Variants in DNAH1 observed in about 807,000 individuals in gnomAD.
DNAH1 encodes axonemal beta dynein heavy chain 1.
DNAH1 carries 327 observed loss-of-function variants against 484.3 expected under a neutral mutation model. The observed-to-expected ratio is 0.68, with a 90% CI of 0.62 to 0.74. DNAH1 has a LOEUF of 0.74. Among genes scored for constraint, DNAH1 ranks in the 30% least tolerant of loss-of-function variants. The pLI, the probability that DNAH1 is intolerant of heterozygous loss-of-function variation, is 0.00. For missense variants in DNAH1, 5,052 were observed against 5,546.8 expected (o/e 0.91, Z 2.83); for synonymous variants, 2,192 against 2,191.9 (o/e 1.00, Z 0.00).
At chr3:52,346,093 CTCTG>C (rs765046766) in intron 10 of DNAH1, among the ~76,000 whole-genome samples, 7 of 152,180 alleles carry the variant, frequency 4.6e-5, no homozygotes, top group Non-Finnish European at 8.8e-5. Flanking sequence ...TCAACTCTGT[CTCTG>C]TCTGTCTCTC....
At chr3:52,396,104 T>G (rs1352183417) in intron 70 of DNAH1, among the ~76,000 whole-genome samples, 2 of 152,028 alleles carry the variant, frequency 1.3e-5, no homozygotes, top group Non-Finnish European at 2.9e-5. Context: ...CAGCTAATTT[T>G]TTGTATTTTT....
At chr3:52,386,400 C>T in intron 55 of DNAH1, 55 bp downstream of exon 55, 1 of 1,495,960 alleles carries the variant, frequency 6.7e-7, no homozygotes, top group African/African-American at 1.4e-5. Flanking sequence ...GTCCTCAAGC[C>T]TTCCCTCTGC....
At chr3:52,338,352 A>G (rs1277512094) in intron 8 of DNAH1, among the ~76,000 whole-genome samples, 1 of 152,072 alleles carries the variant, frequency 6.6e-6, no homozygotes. Flanking sequence ...CAAATGATTC[A>G]CCCACCTCGG....
intron 8 of DNAH1, among the ~76,000 whole-genome samples, chr3:52,338,442 A>T (rs1188479275): frequency 6.6e-6 from 1 of 152,194 alleles, no homozygotes; most frequent in Non-Finnish European, 1.5e-5. Context: ...AAATATTATT[A>T]CTATTCCTCC....
At chr3:52,400,277 G>C in intron 77 of DNAH1, 48 bp from the exon 78 acceptor site, 1 of 1,610,092 alleles carries the variant, frequency 6.2e-7, no homozygotes. Context: ...ATCCCTGCTA[G>C]TAGTAATAGG....
At chr3:52,386,391 TC>T in intron 55 of DNAH1, 46 bp downstream of exon 55, 1 of 1,508,730 alleles carries the variant, frequency 6.6e-7, no homozygotes, top group South Asian at 1.3e-5. Flanking sequence ...TATGCCTCTG[TC>T]CTCAAGCCTT....
In DNAH1 at chr3:52,395,702, A is replaced by T; in HGVS notation, c.11259+24A>T. 6.2e-7 allele frequency: 1 copy of T among 1,606,980 alleles called. No individual in the cohort carries two copies. The highest frequency in any genetic ancestry group is 2.2e-5 in the East Asian group (1 of 44,532). ...AGGTGTGTTGCCCTGCCCATCACAG[A>T]CCCAGTGGGGCCGCCTCTGCATCCA... is the stretch of plus-strand genomic sequence containing the variant. On this transcript the variant is annotated intron_variant, in intron 70 of 77. Transcript: ENST00000420323. The surrounding 1 kb of genome is among the most constrained non-coding windows in gnomAD (Gnocchi z 4.4).
intron 5 of DNAH1, 24 bp from the exon 6 acceptor site, chr3:52,327,858 C>A: frequency 6.2e-7 from 1 of 1,609,980 alleles, no homozygotes; most frequent in South Asian, 1.1e-5. Flanking sequence ...TGCTTCTTCC[C>A]AATGTTGGCC....
intron 45 of DNAH1, among the ~76,000 whole-genome samples, chr3:52,375,644 C>T (rs1703557573): frequency 6.6e-6 from 1 of 152,202 alleles, no homozygotes; most frequent in African/African-American, 2.4e-5. Context: ...TATGATATTG[C>T]ATGTAGAGCA....
chr3:52,342,744 G>C (rs1022143098), intron 8 of DNAH1, among the ~76,000 whole-genome samples: 1 of 152,214 alleles, frequency 6.6e-6, no homozygotes, highest in Non-Finnish European at 1.5e-5. Flanking sequence ...GGCTAGTGGG[G>C]ATAGGGGGCA....
Position 52,372,267 on chromosome 3 carries a change from C to T in DNAH1, c.6707C>T (p.Thr2236Ile), listed in dbSNP as rs772766218. Reference sequence around the variant, plus strand: ...CCAACAGGCACGGGGAAGACGCTCACCATCTCTGACAAGCTCCTCAAGAAC... The same window carrying T: ...CCAACAGGCACGGGGAAGACGCTCATCATCTCTGACAAGCTCCTCAAGAAC... ...IGPTGTGKTLTISDKLLKNLA... is the reference protein window; with the variant it reads ...IGPTGTGKTLIISDKLLKNLA... The change falls in exon 43 of 78, where the codon ACC (threonine) becomes ATC (isoleucine). Residue 2236 changes from threonine (T) to isoleucine (I), a missense_variant. By Grantham distance (89) the Thr-to-Ile change is moderately conservative. Transcript: ENST00000420323. The T allele has an allele frequency of 4.5e-5, 73 of 1,613,970 alleles. No individual in the cohort carries two copies. Among genetic ancestry groups the T allele is most frequent in the Admixed American group, 1.3e-4 (8 of 60,018 alleles).
chr3:52,373,382 G>A (rs953355722), intron 44 of DNAH1, among the ~76,000 whole-genome samples: 2 of 152,216 alleles, frequency 1.3e-5, no homozygotes, highest in Admixed American at 6.5e-5. Context: ...GGGCGGTGGC[G>A]GCCCGCTCCA....
chr3:52,321,469 T>A (rs2153222660), intron 1 of DNAH1, among the ~76,000 whole-genome samples: 1 of 152,292 alleles, frequency 6.6e-6, no homozygotes, highest in South Asian at 2.1e-4. Context: ...CCTTTTTATT[T>A]TTTGCACTAG....
intron 8 of DNAH1, among the ~76,000 whole-genome samples, chr3:52,334,347 G>A (rs1005985304): frequency 2.0e-5 from 3 of 152,250 alleles, no homozygotes; most frequent in Non-Finnish European, 4.4e-5. Context: ...GCTGGAAGTT[G>A]CGGTGGTTGA....
intron 10 of DNAH1, among the ~76,000 whole-genome samples, chr3:52,346,206 C>T (rs952443245): frequency 5.3e-5 from 8 of 152,304 alleles, no homozygotes; most frequent in South Asian, 2.1e-4. Flanking sequence ...CTCTCGCTCA[C>T]GGCTGGAGGG....
chr3:52,352,261 C>T (rs976300649), intron 17 of DNAH1, among the ~76,000 whole-genome samples, 158 bp downstream of exon 17: 1 of 152,112 alleles, frequency 6.6e-6, no homozygotes, highest in African/African-American at 2.4e-5. Context: ...AAAGAATGAA[C>T]GCAAAGGCCA....
Position 52,322,502 on chromosome 3 carries a change from C to T in DNAH1, c.60C>T (p.Cys20=). Residue 20 remains cysteine, a synonymous_variant, in exon 2 of 78, where the codon TGC becomes TGT. Transcript: ENST00000420323. ...SLGRTPQGPE[C]SSAPAVQVGT... The stretch of plus-strand genomic sequence containing the variant: ...GAAGGACCCCTCAGGGCCCAGAGTG[C>T]AGCAGTGCTCCTGCAGTCCAAGTGG... 2 of 1,613,758 alleles carry T rather than the reference C, an allele frequency of 1.2e-6. No individual in the cohort carries two copies. Among genetic ancestry groups the T allele is most frequent in the Non-Finnish European group, 1.7e-6 (2 of 1,179,776 alleles).
Position 52,339,800 on chromosome 3 carries a change from G to GTGTC in DNAH1, c.1287-4686_1287-4683dup, listed in dbSNP as rs1157487793. ...TGTTTTTAGAATGTGCTCTGTGTGT[G>GTGTC]TGTCTGTGTGTGTGTGTGTGTGTGT... On this transcript the variant is annotated intron_variant, in intron 8 of 77. Transcript: ENST00000420323. Among the ~76,000 whole-genome samples, 3 of 149,330 alleles carry GTGTC rather than the reference G, an allele frequency of 2.0e-5. No individual in the cohort carries two copies. In the East Asian group the frequency reaches 5.8e-4, roughly 29 times the overall value.
In DNAH1 at chr3:52,397,717, C is replaced by T. The variant is rs753525141; in HGVS notation, c.11798C>T (p.Ser3933Phe). 1.7e-5 allele frequency: 28 copies of T among 1,608,272 alleles called. 1 individual carries two copies. The Middle Eastern group carries it at 9.9e-4, about 57-fold the overall frequency. ...CCTCCTCTCTCCTAGGGCTACCTCT[C>T]CTACATCAAGAGCCTCCCACTCAAT... ...PPTYDLHGYL[S>F]YIKSLPLNDM... is the part of the protein sequence containing the mutation. Residue 3933 changes from serine to phenylalanine, a missense_variant, in exon 74 of 78, where the codon TCC becomes TTC. Physicochemically the swap from Ser to Phe is radical, Grantham distance 155. Around this residue, in one of 4 missense-constraint regions of DNAH1, gnomAD observed 853 missense variants for 899.0 expected, o/e 0.95. Coordinates refer to ENST00000420323, the MANE Select transcript of DNAH1 (RefSeq NM_015512.5).
Sources: allele counts gnomAD v4.1 joint callset (sites outside exome capture counted in the v4.1 genomes callset), GRCh38; gene constraint gnomAD v4.1.1; regional missense constraint gnomAD v4.1.1; non-coding constraint Gnocchi (gnomAD v3.1); transcripts MANE v1.5; gene names NCBI Gene and HGNC (gene_info 2026-07-23, HGNC 2026-07-21).